MYT1L: variants seen among roughly 807,000 people sequenced by gnomAD.
MYT1L encodes myelin transcription factor 1 like, also known as myelin transcription factor 1-like protein.
Under a neutral mutation model 126.7 loss-of-function variants are expected in MYT1L, and 12 were observed. That is an observed-to-expected ratio of 0.09 (90% confidence interval 0.06 to 0.15). The LOEUF (loss-of-function observed/expected upper bound fraction) is 0.15. Ranked by LOEUF, MYT1L falls within the 10% of genes least tolerant of loss-of-function variation. The probability of loss-of-function intolerance (pLI) is 1.00; values close to 1 mark genes in which losing one functional copy is unlikely to be tolerated. For synonymous variants in MYT1L, 541 were observed against 604.2 expected (o/e 0.90, Z 1.53); for missense variants, 979 against 1,585.2 (o/e 0.62, Z 6.49).
chr2:2,193,970 G>A (rs943746735), intron 2 of MYT1L, among the ~76,000 whole-genome samples: 1 of 114,728 alleles, frequency 8.7e-6, no homozygotes, highest in Non-Finnish European at 2.0e-5. Context: ...TTATGTTTTT[G>A]TTCTCTAAAT....
chr2:1,956,619 T>TCTATCTAC lies in MYT1L; in HGVS notation c.153-13286_153-13285insGTAGATAG, dbSNP rs1240851045. ...ATCTATCTATCTATCTATCTATCTA[T>TCTATCTAC]CTACCTACCTACCTATCTAGCTATC... is the stretch of plus-strand genomic sequence containing the variant. On this transcript the variant is annotated intron_variant, in intron 8 of 24. Transcript: ENST00000647738. 6.8e-3 allele frequency among the ~76,000 whole-genome samples: 913 copies of TCTATCTAC among 134,354 alleles called. 14 individuals carry two copies. The highest frequency in any genetic ancestry group is 0.012 in the African/African-American group (428 of 35,450). The allele number at this position is 134,354 out of a possible 152,430, so 88.1% of individuals were successfully genotyped here. A position where few individuals can be genotyped will look rare whatever the true frequency, so the allele number is the denominator to read the frequency against.
At chr2:2,129,515 C>T (rs974264127) in intron 3 of MYT1L, among the ~76,000 whole-genome samples, 1 of 152,238 alleles carries the variant, frequency 6.6e-6, no homozygotes. Context: ...AGCTGTCCCC[C>T]CAGAGTGCCT....
intron 3 of MYT1L, among the ~76,000 whole-genome samples, chr2:2,070,389 A>T (rs889342770): frequency 1.3e-5 from 2 of 152,192 alleles, no homozygotes; most frequent in African/African-American, 4.8e-5. Flanking sequence ...GGGGTCGCTC[A>T]GGGTGGGGGA....
At chr2:1,859,581 A>T (rs141365441) in intron 18 of MYT1L, among the ~76,000 whole-genome samples, 119 of 152,358 alleles carry the variant, frequency 7.8e-4, no homozygotes, top group Non-Finnish European at 4.1e-4. Context: ...GTGAAGAAGC[A>T]TTATTAGTTG....
chr2:2,126,914 C>T (rs140300360), intron 3 of MYT1L, among the ~76,000 whole-genome samples: 9 of 152,304 alleles, frequency 5.9e-5, no homozygotes, highest in South Asian at 2.1e-4. Flanking sequence ...CCATTTCACA[C>T]GGATCACAGA....
At chr2:2,031,737 C>T (rs1347983111) in intron 4 of MYT1L, among the ~76,000 whole-genome samples, 2 of 113,244 alleles carry the variant, frequency 1.8e-5, no homozygotes, top group East Asian at 2.8e-4. Flanking sequence ...CTCATCCTGT[C>T]GCCCAGAGCA....
intron 4 of MYT1L, among the ~76,000 whole-genome samples, chr2:2,028,138 G>A (rs976733723): frequency 6.6e-6 from 1 of 152,256 alleles, no homozygotes; most frequent in African/African-American, 2.4e-5. Flanking sequence ...GGCAAGCACA[G>A]AGCAGATGCT....
At chr2:1,913,029 C>T (rs2052285341) in intron 11 of MYT1L, among the ~76,000 whole-genome samples, 1 of 152,208 alleles carries the variant, frequency 6.6e-6, no homozygotes, top group Non-Finnish European at 1.5e-5. Flanking sequence ...GGTGGCTTTC[C>T]CTGACAGCAA....
intron 2 of MYT1L, among the ~76,000 whole-genome samples, chr2:2,173,363 G>A (rs1178084837): frequency 1.3e-5 from 2 of 152,100 alleles, no homozygotes; most frequent in African/African-American, 4.8e-5. Flanking sequence ...AATTTAATAG[G>A]GGAGAAATAT....
chr2:2,149,041 A>G (rs1027511726), intron 3 of MYT1L, among the ~76,000 whole-genome samples: 1 of 151,980 alleles, frequency 6.6e-6, no homozygotes, highest in East Asian at 1.9e-4. Context: ...GAAAAATCCC[A>G]TAGACAATAT....
At chr2:1,867,895 G>T (rs928506936) in intron 18 of MYT1L, among the ~76,000 whole-genome samples, 33 of 152,158 alleles carry the variant, frequency 2.2e-4, no homozygotes, top group Non-Finnish European at 3.2e-4. Flanking sequence ...GCTGCTGACT[G>T]TGGCAAATTT....
intron 2 of MYT1L, among the ~76,000 whole-genome samples, chr2:2,180,674 CTGTG>C (rs556944293): frequency 2.0e-4 from 30 of 150,362 alleles, no homozygotes; most frequent in South Asian, 6.4e-4. Flanking sequence ...GTGTGTGCAC[CTGTG>C]TGTTTTTGTA....
At chr2:2,072,756 TAA>T (rs1160215675) in intron 3 of MYT1L, among the ~76,000 whole-genome samples, 1 of 152,202 alleles carries the variant, frequency 6.6e-6, no homozygotes, top group Non-Finnish European at 1.5e-5. Context: ...GATGGTTTTA[TAA>T]GTGTTTGGAA....
intron 13 of MYT1L, among the ~76,000 whole-genome samples, chr2:1,908,180 A>G (rs2051367037): frequency 6.6e-6 from 1 of 152,264 alleles, no homozygotes. Context: ...ATCCAGAAAC[A>G]GGGATGCTGC....
chr2:2,174,873 C>T (rs1490286031), intron 2 of MYT1L, among the ~76,000 whole-genome samples: 1 of 152,064 alleles, frequency 6.6e-6, no homozygotes, highest in Non-Finnish European at 1.5e-5. Flanking sequence ...AGTTCAGGTT[C>T]TGTATCTGAC....
intron 18 of MYT1L, among the ~76,000 whole-genome samples, chr2:1,859,325 T>C (rs2044287340): frequency 6.6e-6 from 1 of 152,224 alleles, no homozygotes; most frequent in Admixed American, 6.5e-5. Context: ...ACTTTTCTTT[T>C]TAAATTACAC....
chr2:1,906,907 G>C (rs1428846481), intron 13 of MYT1L, among the ~76,000 whole-genome samples: 1 of 150,774 alleles, frequency 6.6e-6, no homozygotes, highest in African/African-American at 2.4e-5. Flanking sequence ...GGGAGACCCT[G>C]TCTCTCCAAA....
chr2:1,797,877 G>A (rs138220559), intron 23 of MYT1L, among the ~76,000 whole-genome samples: 1,657 of 130,364 alleles, frequency 0.013, 42 homozygotes, highest in South Asian at 0.033. Context: ...CCCCCCATCC[G>A]GCACAGGCGC....
chr2:2,054,859 T>C (rs2069293407), intron 3 of MYT1L, among the ~76,000 whole-genome samples: 1 of 150,234 alleles, frequency 6.7e-6, no homozygotes, highest in Non-Finnish European at 1.5e-5. Flanking sequence ...ATGAGGTGCA[T>C]GGAGGTGAGA....
Sources: allele counts gnomAD v4.1 joint callset (sites outside exome capture counted in the v4.1 genomes callset), GRCh38; gene constraint gnomAD v4.1.1; transcripts MANE v1.5; gene names NCBI Gene and HGNC (gene_info 2026-07-23, HGNC 2026-07-21).